Variants in POLE2 observed in about 807,000 individuals in gnomAD.
POLE2 encodes DNA polymerase epsilon subunit 2.
POLE2 carries 56 observed loss-of-function variants against 79.4 expected under a neutral mutation model. The ratio of observed to expected loss-of-function variants is 0.71; its 90% CI spans 0.57 to 0.88. The LOEUF (loss-of-function observed/expected upper bound fraction) is 0.88. POLE2 is among the 40% of genes least tolerant of loss of function. POLE2 has a pLI of 0.00. For synonymous variants in POLE2, 212 were observed against 214.0 expected (o/e 0.99, Z 0.08); for missense variants, 598 against 638.9 (o/e 0.94, Z 0.69).
At chr14:49,676,627 T>A (rs1886295188) in intron 3 of POLE2, among the ~76,000 whole-genome samples, 1 of 152,244 alleles carries the variant, frequency 6.6e-6, no homozygotes. Context: ...GCCAGGTCAG[T>A]GAGGAGTACG....
intron 1 of POLE2, among the ~76,000 whole-genome samples, chr14:49,687,108 A>AC (rs1887193770): frequency 6.6e-6 from 1 of 151,398 alleles, no homozygotes; most frequent in African/African-American, 2.4e-5. Context: ...ACATAGCCAG[A>AC]CCCCGTCTCT....
intron 1 of POLE2, 89 bp downstream of exon 1, chr14:49,688,047 G>A: frequency 1.8e-6 from 2 of 1,117,094 alleles, no homozygotes; most frequent in East Asian, 2.8e-5. Flanking sequence ...CGGCGCGCGG[G>A]GAGCCGCCGC....
chr14:49,652,157 A>G (rs1884295799), intron 15 of POLE2, among the ~76,000 whole-genome samples: 2 of 56,782 alleles, frequency 3.5e-5, no homozygotes, highest in Non-Finnish European at 8.7e-5. Context: ...TGCGTTAAGA[A>G]TAGAATACGG....
intron 13 of POLE2, 53 bp downstream of exon 13, chr14:49,654,731 G>GTTTTT: frequency 7.8e-7 from 1 of 1,286,884 alleles, no homozygotes; most frequent in Non-Finnish European, 1.0e-6. Flanking sequence ...TTCATTTTTT[G>GTTTTT]TTTTTTTTTT....
intron 18 of POLE2, 70 bp downstream of exon 18, chr14:49,647,223 G>T: frequency 1.2e-6 from 1 of 814,038 alleles, no homozygotes; most frequent in South Asian, 1.6e-5. Flanking sequence ...CACACTGATA[G>T]AACATCTCAT....
intron 1 of POLE2, among the ~76,000 whole-genome samples, chr14:49,686,566 A>G (rs909663549): frequency 1.3e-5 from 2 of 152,200 alleles, no homozygotes; most frequent in African/African-American, 4.8e-5. Flanking sequence ...TAACCCACAG[A>G]AAATTTGAGA....
At chr14:49,646,740 TAGAA>T (rs1045092527) in intron 18 of POLE2, 1 of 152,182 alleles carries the variant, frequency 6.6e-6, no homozygotes. Flanking sequence ...TCTTTACAAT[TAGAA>T]AGTCATTTGA....
chr14:49,647,152 T>C, intron 18 of POLE2, 141 bp downstream of exon 18: 2 of 545,926 alleles, frequency 3.7e-6, no homozygotes, highest in Non-Finnish European at 6.6e-6. Context: ...AGCATAACCG[T>C]GATAAGCTCA....
chr14:49,657,744 G>C (rs78001547), intron 10 of POLE2, among the ~76,000 whole-genome samples: 1 of 151,634 alleles, frequency 6.6e-6, no homozygotes, highest in Non-Finnish European at 1.5e-5. Flanking sequence ...CCAGCCAGTT[G>C]ATTCTTGTTA....
intron 17 of POLE2, 121 bp downstream of exon 17, chr14:49,650,144 G>A (rs35930580): frequency 0.2 from 101,183 of 511,756 alleles, 11,008 homozygotes; most frequent in Admixed American, 0.3. Context: ...ACTTAATTCA[G>A]TGTTTCACTA....
chr14:49,678,273 G>A (rs923754894), intron 3 of POLE2, among the ~76,000 whole-genome samples: 1 of 152,052 alleles, frequency 6.6e-6, no homozygotes, highest in African/African-American at 2.4e-5. Context: ...AAAGTGCTGG[G>A]ATTACGGGCA....
At chr14:49,651,071 TAA>T (rs10572392) in intron 16 of POLE2, among the ~76,000 whole-genome samples, 196 bp downstream of exon 16, 43,270 of 152,050 alleles carry the variant, frequency 0.28, 7,320 homozygotes, top group African/African-American at 0.46. Flanking sequence ...CTCTGTCCTC[TAA>T]AGGACATACA....
intron 18 of POLE2, among the ~76,000 whole-genome samples, chr14:49,646,301 G>GTTTTT (rs1566522550): frequency 2.9e-4 from 26 of 90,768 alleles, no homozygotes; most frequent in African/African-American, 1.2e-3. Context: ...TTTTTTTGTT[G>GTTTTT]GTTTTTTTTT....
chr14:49,645,456 T>G (rs532111676), intron 18 of POLE2, among the ~76,000 whole-genome samples: 1 of 152,360 alleles, frequency 6.6e-6, no homozygotes, highest in African/African-American at 2.4e-5. Flanking sequence ...CTTTTCTGTT[T>G]TCCTAAAACA....
At chr14:49,672,294 C>T (rs943709424) in intron 5 of POLE2, among the ~76,000 whole-genome samples, 4 of 152,154 alleles carry the variant, frequency 2.6e-5, no homozygotes, top group Non-Finnish European at 5.9e-5. Flanking sequence ...ACAAAACCCA[C>T]GAGGTGGTCA....
intron 2 of POLE2, chr14:49,681,428 G>C (rs1416843554): frequency 1.3e-5 from 2 of 157,958 alleles, no homozygotes; most frequent in Non-Finnish European, 2.8e-5. Flanking sequence ...CCCCATTCTA[G>C]CTTCTTTGGG....
In POLE2 at chr14:49,655,094, C is replaced by A; in HGVS notation, c.929G>T (p.Gly310Val). 6.7e-7 allele frequency: 1 copy of A among 1,482,302 alleles called. No individual in the cohort carries two copies. The highest frequency in any genetic ancestry group is 9.1e-7 in the Non-Finnish European group (1 of 1,094,740). 91.8% of individuals were successfully genotyped at this position (1,482,302 alleles called of 1,614,324 possible). The change falls in exon 12 of 19, where the codon GGT becomes GTT. Residue 310 changes from glycine to valine, a missense_variant and splice_region_variant. By Grantham distance (109) the Gly-to-Val change is moderately radical. Transcript: ENST00000216367. ...VLEKLRIMFA[G>V]YSPAPPTCFI... is the part of the protein sequence containing the mutation. ...GCAGGTTGGAGGTGCTGGTGAATAA[C>A]CTAAACAATAAAAGAGTAAATGAAC... is the stretch of plus-strand genomic sequence containing the variant.
chr14:49,646,301 G>GTTTTTTTTTTTTTTTTTTTTTTT (rs1566522550), intron 18 of POLE2, among the ~76,000 whole-genome samples: 1 of 90,758 alleles, frequency 1.1e-5, no homozygotes, highest in African/African-American at 4.8e-5. Flanking sequence ...TTTTTTTGTT[G>GTTTTTTTTTTTTTTTTTTTTTTT]GTTTTTTTTT....
chr14:49,685,964 CT>C lies in POLE2; in HGVS notation c.68+2171del, dbSNP rs149456428. ...TTCTTTAAGTCAGCCCAAACCACTTCTGCAGTGAAGTTCTTCCTTGACTCTA... is the reference window on the plus strand; with the variant it reads ...TTCTTTAAGTCAGCCCAAACCACTTCGCAGTGAAGTTCTTCCTTGACTCTA... On this transcript the variant is annotated intron_variant, in intron 1 of 18. Coordinates refer to ENST00000216367, the MANE Select transcript of POLE2 (RefSeq NM_002692.4). Among the ~76,000 whole-genome samples the C allele has an allele frequency of 4.9e-3, 743 of 152,296 alleles. 5 individuals are homozygous for C. Among genetic ancestry groups the C allele is most frequent in the African/African-American group, 0.017 (709 of 41,548 alleles).
Sources: gnomAD v4.1 joint callset for allele counts (sites outside exome capture counted in the v4.1 genomes callset) on GRCh38, gnomAD v4.1.1 for gene constraint, MANE v1.5 for transcripts, NCBI Gene and HGNC (gene_info 2026-07-23, HGNC 2026-07-21) for gene names.